Variants in CRLF3 observed in about 807,000 individuals in gnomAD.
The protein encoded by CRLF3 is cytokine receptor like factor 3, also known as cytokine receptor-like factor 3.
A neutral mutation model predicts 55.0 loss-of-function variants in CRLF3; 33 were observed. The ratio of observed to expected loss-of-function variants is 0.60; its 90% CI spans 0.46 to 0.80. CRLF3 has a LOEUF of 0.80. Among genes scored for constraint, CRLF3 ranks in the 30% least tolerant of loss-of-function variants. CRLF3 has a pLI of 0.00. For missense variants in CRLF3, 494 were observed against 538.4 expected, an observed-to-expected ratio of 0.92 and a Z score of 0.82; for synonymous variants, 238 against 196.8, an observed-to-expected ratio of 1.21 and a Z score of -1.75.
At chr17:30,786,230 A>C in intron 6 of CRLF3, 199 bp from the exon 7 acceptor site, 1 of 445,188 alleles carries the variant, frequency 2.2e-6, no homozygotes, top group East Asian at 3.8e-5. Context: ...ACAACAATCT[A>C]TGAGGTAGGT....
In CRLF3 at chr17:30,784,213, G is replaced by A. The variant is rs554716980; in HGVS notation, c.1303C>T (p.Pro435Ser). The A allele has an allele frequency of 6.2e-7, 1 of 1,613,892 alleles. No homozygotes were observed. The highest frequency in any genetic ancestry group is 8.5e-7 in the Non-Finnish European group (1 of 1,179,978). Residue 435 changes from proline (P) to serine (S), a missense_variant, in exon 8 of 8, where the codon CCT becomes TCT. Coordinates refer to ENST00000324238, the MANE Select transcript of CRLF3 (RefSeq NM_015986.4). ...SLYFGCSFFY[P>S]GWKVLVF is the part of the protein sequence containing the mutation. ...TAAAACACTAACACTTTCCATCCAGGATAGAAAAATGAGCATCCAAAGTAA... is the reference window on the plus strand; with the variant it reads ...TAAAACACTAACACTTTCCATCCAGAATAGAAAAATGAGCATCCAAAGTAA...
At chr17:30,790,526 T>G (rs1465089722) in intron 6 of CRLF3, 1 of 152,050 alleles carries the variant, frequency 6.6e-6, no homozygotes, top group Non-Finnish European at 1.5e-5. Flanking sequence ...ATAATATGTT[T>G]ACAGTGTTGT....
intron 4 of CRLF3, among the ~76,000 whole-genome samples, chr17:30,794,857 A>G (rs895979410): frequency 1.3e-5 from 2 of 152,198 alleles, no homozygotes; most frequent in African/African-American, 4.8e-5. Flanking sequence ...AAGTCTCACA[A>G]TGCCAATTAT....
intron 6 of CRLF3, 90 bp from the exon 7 acceptor site, chr17:30,786,121 A>G: frequency 1.3e-6 from 1 of 741,102 alleles, no homozygotes. Flanking sequence ...GAGCAATCTC[A>G]CCACAATTGT....
chr17:30,814,238 C>G (rs28585498), intron 1 of CRLF3, among the ~76,000 whole-genome samples: 19,279 of 151,984 alleles, frequency 0.13, 1,269 homozygotes, highest in South Asian at 0.25. Context: ...GCCTGGGTGA[C>G]AGAGCAAGAC....
rs376159407 is a variant in CRLF3, at chr17:30,788,350, A to G, written c.960-2319T>C. On this transcript the variant is annotated intron_variant, in intron 6 of 7. Transcript: ENST00000324238. ...CAAAAAAAAAAAAAGAAAAGAAAAG[A>G]AAAGAAAGAAGGAAACCTTAAAAAA... is the stretch of plus-strand genomic sequence containing the variant. Among the ~76,000 whole-genome samples the G allele has an allele frequency of 8.3e-3, 1,229 of 147,784 alleles. 19 individuals are homozygous for G. Among genetic ancestry groups the G allele is most frequent in the African/African-American group, 0.029 (1,157 of 40,170 alleles).
At chr17:30,817,634 A>G (rs995742437) in intron 1 of CRLF3, among the ~76,000 whole-genome samples, 1 of 152,058 alleles carries the variant, frequency 6.6e-6, no homozygotes, top group Non-Finnish European at 1.5e-5. Flanking sequence ...CAGGCCAGGC[A>G]GGGTGGCTCA....
At chr17:30,788,610 T>TTA (rs2142243941) in intron 6 of CRLF3, among the ~76,000 whole-genome samples, 1 of 137,704 alleles carries the variant, frequency 7.3e-6, no homozygotes, top group African/African-American at 2.8e-5. Context: ...TTTTTTTTTT[T>TTA]TTTTTTTTTT....
At chr17:30,797,290 A>G (rs1229638431) in intron 3 of CRLF3, 21 bp downstream of exon 3, 1 of 1,576,408 alleles carries the variant, frequency 6.3e-7, no homozygotes, top group Non-Finnish European at 8.7e-7. Context: ...AAGTAAGTCA[A>G]AAAGGCACAA....
intron 2 of CRLF3, among the ~76,000 whole-genome samples, chr17:30,798,613 T>G (rs1395619445): frequency 6.6e-6 from 1 of 151,774 alleles, no homozygotes; most frequent in African/African-American, 2.4e-5. Flanking sequence ...CTGAGGCTGG[T>G]GGGTCACCTG....
At chr17:30,823,317 A>G (rs1905050288) in intron 1 of CRLF3, among the ~76,000 whole-genome samples, 2 of 152,046 alleles carry the variant, frequency 1.3e-5, no homozygotes, top group Middle Eastern at 3.4e-3. Context: ...GTGAGCCGAG[A>G]TAGTGCCACT....
intron 1 of CRLF3, among the ~76,000 whole-genome samples, chr17:30,809,250 G>A (rs950792065): frequency 6.6e-6 from 1 of 152,150 alleles, no homozygotes; most frequent in Non-Finnish European, 1.5e-5. Flanking sequence ...TTCACCTCCT[G>A]TACTCTCATT....
chr17:30,788,441 A>G (rs998399072), intron 6 of CRLF3, among the ~76,000 whole-genome samples: 3 of 151,780 alleles, frequency 2.0e-5, no homozygotes, highest in Non-Finnish European at 4.4e-5. Context: ...GGAGACCTGG[A>G]AGGAGGGGGT....
chr17:30,784,194 A>G lies in CRLF3; in HGVS notation c.1322T>C (p.Val441Ala), dbSNP rs1183095539. The change falls in exon 8 of 8, where the codon GTG becomes GCG. Residue 441 changes from valine (V) to alanine (A), a missense_variant. Transcript: ENST00000324238. ...SFFYPGWKVL[V>A]F ...AGCCAAGCACCCAAACATCTAAAAC[A>G]CTAACACTTTCCATCCAGGATAGAA... is the stretch of plus-strand genomic sequence containing the variant. 1.2e-6 allele frequency: 2 copies of G among 1,613,524 alleles called. No individual in the cohort carries two copies. Among genetic ancestry groups the G allele is most frequent in the South Asian group, 1.1e-5 (1 of 91,014 alleles).
At chr17:30,795,980 A>G (rs1971910844) in intron 4 of CRLF3, among the ~76,000 whole-genome samples, 180 bp downstream of exon 4, 1 of 152,156 alleles carries the variant, frequency 6.6e-6, no homozygotes, top group South Asian at 2.1e-4. Context: ...ATAAAATAAA[A>G]ATAAAACTGG....
At chr17:30,806,689 CTG>C (rs1182552869) in intron 1 of CRLF3, among the ~76,000 whole-genome samples, 1 of 152,144 alleles carries the variant, frequency 6.6e-6, no homozygotes, top group Non-Finnish European at 1.5e-5. Context: ...GGGTCTCACT[CTG>C]TTGCACATCC....
rs1408257145 is a variant in CRLF3 at position 30,816,908 on chromosome 17, G to A, written c.129+7615C>T. 2.6e-5 allele frequency among the ~76,000 whole-genome samples: 4 copies of A among 152,114 alleles called. No homozygotes were observed. In the East Asian group the frequency reaches 7.7e-4, roughly 29 times the overall value. Reference sequence around the variant, plus strand: ...GCAATAGAATATACCATATAGCCTAGGTGTGTAGCAGATGATACCATCTAG... The same window carrying A: ...GCAATAGAATATACCATATAGCCTAAGTGTGTAGCAGATGATACCATCTAG... On this transcript the variant is annotated intron_variant, in intron 1 of 7. Transcript: ENST00000324238.
At chr17:30,806,781 G>C (rs114281094) in intron 1 of CRLF3, among the ~76,000 whole-genome samples, 2 of 151,956 alleles carry the variant, frequency 1.3e-5, no homozygotes, top group East Asian at 1.9e-4. Context: ...TTATAGGTGC[G>C]GGCCACCACA....
In CRLF3 at chr17:30,793,479, TG is replaced by T; in HGVS notation, c.796del (p.Gln266ArgfsTer2). On this transcript the variant is annotated frameshift_variant, in exon 5 of 8. Coordinates refer to ENST00000324238, the MANE Select transcript of CRLF3 (RefSeq NM_015986.4). LOFTEE classifies it high-confidence loss of function. ...RQEWSPWSVP[Q>X]IGHSTLVPHE... is the part of the protein sequence containing the mutation. ...AGGCACCAATGTGGAATGACCTATC[TG>T]GGGGACACTCCAAGGACTCCACTCC... 1 of 1,614,102 alleles carries T rather than the reference TG, an allele frequency of 6.2e-7. No individual in the cohort carries two copies.
Sources: gnomAD v4.1 joint callset for allele counts (sites outside exome capture counted in the v4.1 genomes callset) on GRCh38, gnomAD v4.1.1 for gene constraint, MANE v1.5 for transcripts, NCBI Gene and HGNC (gene_info 2026-07-23, HGNC 2026-07-21) for gene names.